The following PLCG2 variants were observed in gnomAD, a reference collection of about 807,000 sequenced individuals.
PLCG2 encodes the protein 1-phosphatidylinositol 4,5-bisphosphate phosphodiesterase gamma-2.
In PLCG2, 69 loss-of-function variants were observed where a neutral mutation model predicts 175.6. The ratio of observed to expected loss-of-function variants is 0.39; its 90% CI spans 0.32 to 0.48. The LOEUF is 0.48. Ranked by LOEUF, PLCG2 falls within the 20% of genes least tolerant of loss-of-function variation. The pLI, the probability that PLCG2 is intolerant of heterozygous loss-of-function variation, is 0.91. For missense variants in PLCG2, 1,798 were observed against 1,650.9 expected, an observed-to-expected ratio of 1.09 and a Z score of -1.54; for synonymous variants, 827 against 624.0, an observed-to-expected ratio of 1.33 and a Z score of -4.85.
chr16:81,746,509 C>T, intron 1 of PLCG2, among the ~76,000 whole-genome samples: 1 of 152,182 alleles, frequency 6.6e-6, no homozygotes, highest in East Asian at 1.9e-4. Context: ...GGGTGGGAAC[C>T]GCGGGGCTCT....
At chr16:81,815,391 A>G (rs904331110) in intron 2 of PLCG2, among the ~76,000 whole-genome samples, 2 of 152,196 alleles carry the variant, frequency 1.3e-5, no homozygotes, top group African/African-American at 2.4e-5. Flanking sequence ...CCAGAGGTGA[A>G]GATACAGTCT....
chr16:81,748,890 T>C (rs972438331), intron 1 of PLCG2, among the ~76,000 whole-genome samples: 4 of 152,210 alleles, frequency 2.6e-5, no homozygotes, highest in African/African-American at 9.6e-5. Context: ...GGTGAGATGC[T>C]GGCAGAGCTG....
At chr16:81,882,695 G>A (rs1179458721) in intron 8 of PLCG2, among the ~76,000 whole-genome samples, 1 of 151,416 alleles carries the variant, frequency 6.6e-6, no homozygotes, top group Non-Finnish European at 1.5e-5. Context: ...TGCTTCTCTG[G>A]TTTCCTTGCC....
rs548631814 is a variant in PLCG2 at position 81,857,547 on chromosome 16, C to A, written c.338-716C>A. 4.6e-5 allele frequency among the ~76,000 whole-genome samples: 7 copies of A among 152,284 alleles called. No homozygotes were observed. In the South Asian group the frequency reaches 1.5e-3, roughly 32 times the overall value. ...ATGGTTGAGTTCTGGTGAGGGCTCT[C>A]TTCCTGACTTGCAGACAGCTGCCTT... On this transcript the variant is annotated intron_variant, in intron 3 of 32. Coordinates refer to ENST00000564138, the MANE Select transcript of PLCG2 (RefSeq NM_002661.5).
intron 10 of PLCG2, among the ~76,000 whole-genome samples, chr16:81,890,690 T>A (rs546862055): frequency 3.3e-5 from 5 of 152,286 alleles, no homozygotes; most frequent in African/African-American, 9.6e-5. Flanking sequence ...GACTGACCCA[T>A]ATGAGGTCGT....
At chr16:81,824,418 G>A (rs1013701800) in intron 2 of PLCG2, among the ~76,000 whole-genome samples, 1 of 152,216 alleles carries the variant, frequency 6.6e-6, no homozygotes, top group Non-Finnish European at 1.5e-5. Context: ...ACAAGCGTGA[G>A]CCACTGCACA....
In PLCG2 at chr16:81,923,589, G is replaced by A. The variant is rs768335225; in HGVS notation, c.2412G>A (p.Gly804=). The change falls in exon 22 of 33, where the codon GGG becomes GGA. Residue 804 remains glycine, a synonymous_variant. Coordinates refer to ENST00000564138, the MANE Select transcript of PLCG2 (RefSeq NM_002661.5). ...ALIHNVSKEP[G]GWWKGDYGTR... ...TCCACAATGTCTCCAAGGAGCCCGG[G>A]GGCTGGTAAGGCTGAGTGGAGGCTG... 13 of 1,600,304 alleles carry A rather than the reference G, an allele frequency of 8.1e-6. No homozygotes were observed. Among genetic ancestry groups the A allele is most frequent in the African/African-American group, 2.7e-5 (2 of 74,638 alleles).
chr16:81,839,247 G>T (rs1905692756), intron 2 of PLCG2, among the ~76,000 whole-genome samples: 1 of 152,040 alleles, frequency 6.6e-6, no homozygotes, highest in South Asian at 2.1e-4. Flanking sequence ...TCAGCAGTAG[G>T]CAGATACAAC....
intron 2 of PLCG2, among the ~76,000 whole-genome samples, chr16:81,771,070 A>ATAC (rs71146044): frequency 3.9e-5 from 1 of 25,934 alleles, no homozygotes; most frequent in South Asian, 1.7e-3. Context: ...AAAAAAAAAA[A>ATAC]AATAAATAAA....
At chr16:81,907,565 A>T in intron 15 of PLCG2, 120 bp from the exon 16 acceptor site, 1 of 587,866 alleles carries the variant, frequency 1.7e-6, no homozygotes, top group Admixed American at 3.0e-5. Context: ...ATAAATGTCT[A>T]TGAAACTGGG....
intron 21 of PLCG2, 140 bp downstream of exon 21, chr16:81,921,409 GAAGAA>G (rs774860307): frequency 1.4e-6 from 1 of 689,900 alleles, no homozygotes; most frequent in East Asian, 2.8e-5. Context: ...TTTTTTTTGA[GAAGAA>G]AGGATGATTG....
intron 3 of PLCG2, 72 bp downstream of exon 3, chr16:81,854,659 A>G: frequency 7.2e-7 from 1 of 1,387,562 alleles, no homozygotes; most frequent in East Asian, 2.3e-5. Context: ...CGCTAATAGC[A>G]GAATGCTCAC....
chr16:81,776,796 C>T (rs902450045), upstream of PLCG2, among the ~76,000 whole-genome samples: 4 of 152,326 alleles, frequency 2.6e-5, no homozygotes, highest in South Asian at 2.1e-4. Flanking sequence ...CTCAGGTAAG[C>T]CGCCTGCCTT....
At chr16:81,824,137 C>G (rs967163693) in intron 2 of PLCG2, among the ~76,000 whole-genome samples, 1 of 131,064 alleles carries the variant, frequency 7.6e-6, no homozygotes, top group African/African-American at 2.8e-5. Context: ...CCCTCTCTTT[C>G]TCTCTTTCTT....
At chr16:81,852,845 T>C (rs1906486039) in intron 2 of PLCG2, among the ~76,000 whole-genome samples, 1 of 152,182 alleles carries the variant, frequency 6.6e-6, no homozygotes, top group South Asian at 2.1e-4. Context: ...TCTAAGATGG[T>C]CCAGTGCTCT....
intron 7 of PLCG2, among the ~76,000 whole-genome samples, chr16:81,872,826 T>G (rs570459479): frequency 6.6e-6 from 1 of 152,106 alleles, no homozygotes; most frequent in African/African-American, 2.4e-5. Flanking sequence ...CAATGGGAGG[T>G]TGGGAGTTGT....
chr16:81,829,290 G>A (rs2143375667), intron 2 of PLCG2, among the ~76,000 whole-genome samples: 1 of 152,216 alleles, frequency 6.6e-6, no homozygotes, highest in Admixed American at 6.5e-5. Flanking sequence ...TGTATTTTTA[G>A]TAGAGATGGG....
intron 1 of PLCG2, among the ~76,000 whole-genome samples, chr16:81,740,738 A>AAAC (rs1909573133): frequency 8.7e-6 from 1 of 115,102 alleles, no homozygotes; most frequent in African/African-American, 3.3e-5. Flanking sequence ...AAAAAAAAAA[A>AAAC]AAAAAAAAAA....
chr16:81,743,907 G>A (rs531421406), intron 1 of PLCG2, among the ~76,000 whole-genome samples: 7 of 151,362 alleles, frequency 4.6e-5, no homozygotes, highest in East Asian at 1.9e-4. Flanking sequence ...TATCCAGGCT[G>A]GAGTGCAGTG....
Sources: allele counts gnomAD v4.1 joint callset (sites outside exome capture counted in the v4.1 genomes callset), GRCh38; gene constraint gnomAD v4.1.1; transcripts MANE v1.5; gene names NCBI Gene and HGNC (gene_info 2026-07-23, HGNC 2026-07-21).